Variants in DAB1 observed in about 807,000 individuals in gnomAD.
The protein encoded by DAB1 is DAB adaptor protein 1, also known as disabled homolog 1.
A neutral mutation model predicts 64.6 loss-of-function variants in DAB1; 15 were observed. That is an observed-to-expected ratio of 0.23 (90% CI 0.16 to 0.36). The LOEUF is 0.36. DAB1 is among the 10% of genes least tolerant of loss of function. DAB1 has a pLI of 1.00. For missense variants in DAB1, 596 were observed against 706.7 expected (o/e 0.84, Z 1.78); for synonymous variants, 235 against 251.9 (o/e 0.93, Z 0.64).
intron 6 of DAB1, among the ~76,000 whole-genome samples, chr1:57,732,027 A>G (rs1647451947): frequency 6.6e-6 from 1 of 152,144 alleles, no homozygotes. Context: ...TGGGTAGGGA[A>G]GGGCATTCTG....
chr1:57,328,545 A>C (rs1439448971), intron 1 of DAB1, among the ~76,000 whole-genome samples: 11 of 152,202 alleles, frequency 7.2e-5, no homozygotes, highest in Non-Finnish European at 1.3e-4. Context: ...ATACCTTATT[A>C]AATTGTGTGT....
chr1:57,306,388 A>G (rs1317477293), intron 1 of DAB1, among the ~76,000 whole-genome samples: 1 of 152,144 alleles, frequency 6.6e-6, no homozygotes. Flanking sequence ...AAAGCTCCAC[A>G]TATATATTAG....
At chr1:57,768,761 G>A (rs1271390737) in intron 6 of DAB1, among the ~76,000 whole-genome samples, 3 of 151,884 alleles carry the variant, frequency 2.0e-5, no homozygotes, top group Non-Finnish European at 2.9e-5. Context: ...CCCGCAGCAG[G>A]GTTCAGCACT....
intron 4 of DAB1, among the ~76,000 whole-genome samples, chr1:57,072,949 T>C (rs909498096): frequency 1.3e-5 from 2 of 152,168 alleles, no homozygotes; most frequent in African/African-American, 4.8e-5. Context: ...AAGTCACCAC[T>C]GGGGGTAGAG....
At chr1:58,082,342 C>T (rs1157113612) in intron 5 of DAB1, among the ~76,000 whole-genome samples, 1 of 151,586 alleles carries the variant, frequency 6.6e-6, no homozygotes, top group Non-Finnish European at 1.5e-5. Context: ...AGTCTTTAGT[C>T]TGCAAAGGCC....
chr1:57,400,203 G>A (rs1025172378), intron 1 of DAB1, among the ~76,000 whole-genome samples: 4 of 152,130 alleles, frequency 2.6e-5, no homozygotes, highest in Admixed American at 6.5e-5. Context: ...CAGAGTGTCT[G>A]CAAGTCCATG....
chr1:57,425,559 A>G (rs1685252381), upstream of DAB1, among the ~76,000 whole-genome samples: 2 of 152,350 alleles, frequency 1.3e-5, no homozygotes, highest in African/African-American at 2.4e-5. Flanking sequence ...AACTTATTCC[A>G]TAATAACAGC....
At chr1:57,374,529 C>T (rs1157923185) in intron 1 of DAB1, among the ~76,000 whole-genome samples, 1 of 152,090 alleles carries the variant, frequency 6.6e-6, no homozygotes, top group Admixed American at 6.5e-5. Context: ...TCCAATTATG[C>T]TCAATAAATT....
chr1:57,566,789 C>A (rs1332774287), intron 7 of DAB1, among the ~76,000 whole-genome samples: 1 of 152,078 alleles, frequency 6.6e-6, no homozygotes, highest in Admixed American at 6.5e-5. Context: ...AATTAATAGC[C>A]TACCAACCAA....
chr1:57,851,334 T>A (rs1653515309), intron 1 of DAB1, among the ~76,000 whole-genome samples: 1 of 152,226 alleles, frequency 6.6e-6, no homozygotes, highest in South Asian at 2.1e-4. Context: ...CAACACCTGT[T>A]CACTTTGACG....
chr1:57,363,475 T>C lies in DAB1; in HGVS notation c.-137+60455A>G. Among the ~76,000 whole-genome samples the C allele has an allele frequency of 1.3e-5, 2 of 151,832 alleles. 1 individual carries two copies. The highest frequency in any genetic ancestry group is 2.9e-5 in the Non-Finnish European group (2 of 67,934). On this transcript the variant is annotated intron_variant, in intron 1 of 14. Coordinates refer to ENST00000371236, the MANE Select transcript of DAB1 (RefSeq NM_001365792.1). ...CAAATCCCATTAAATGGGGAGCAGG[T>C]GGGCCAACTGTGCCTCAATTCCCTA...
intron 3 of DAB1, among the ~76,000 whole-genome samples, chr1:58,479,701 T>C (rs1645454036): frequency 6.6e-6 from 1 of 152,212 alleles, no homozygotes; most frequent in Non-Finnish European, 1.5e-5. Flanking sequence ...CAACTGAGAA[T>C]ACTTTGTTCC....
At chr1:58,373,157 G>T (rs1236921) in intron 3 of DAB1, among the ~76,000 whole-genome samples, 1 of 148,674 alleles carries the variant, frequency 6.7e-6, no homozygotes, top group Non-Finnish European at 1.5e-5. Flanking sequence ...AAAGCATCCA[G>T]CTTACTATTT....
intron 7 of DAB1, among the ~76,000 whole-genome samples, chr1:57,576,049 G>T (rs943878640): frequency 1.3e-5 from 2 of 152,120 alleles, no homozygotes; most frequent in African/African-American, 4.8e-5. Context: ...TTCAATTTAT[G>T]ATTTTTTTGA....
intron 3 of DAB1, among the ~76,000 whole-genome samples, chr1:58,375,631 T>C (rs543292836): frequency 4.2e-4 from 60 of 144,124 alleles, no homozygotes; most frequent in African/African-American, 1.5e-3. Flanking sequence ...AGGATATTGG[T>C]CTAAAATTCT....
chr1:58,337,285 GAAA>G (rs11322441), intron 4 of DAB1, among the ~76,000 whole-genome samples: 1 of 67,186 alleles, frequency 1.5e-5, no homozygotes, highest in African/African-American at 4.9e-5. Flanking sequence ...CTGTCTCAAA[GAAA>G]AAAAAAAAAA....
At chr1:58,383,872 C>T (rs916089621) in intron 3 of DAB1, among the ~76,000 whole-genome samples, 2 of 152,158 alleles carry the variant, frequency 1.3e-5, no homozygotes, top group African/African-American at 2.4e-5. Context: ...GAGATCCTGA[C>T]ATCAATTCAT....
At chr1:58,313,819 ATGTGTGTG>A (rs35817738) in intron 4 of DAB1, among the ~76,000 whole-genome samples, 4 of 119,976 alleles carry the variant, frequency 3.3e-5, no homozygotes, top group Non-Finnish European at 6.7e-5. Context: ...TTGTATCTTC[ATGTGTGTG>A]TGTGTGTGTG....
chr1:57,560,188 C>T (rs926483743), intron 7 of DAB1, among the ~76,000 whole-genome samples: 1 of 152,274 alleles, frequency 6.6e-6, no homozygotes, highest in Non-Finnish European at 1.5e-5. Flanking sequence ...CAATATACCT[C>T]TACTGTCCAA....
Sources: allele counts gnomAD v4.1 joint callset (sites outside exome capture counted in the v4.1 genomes callset), GRCh38; gene constraint gnomAD v4.1.1; transcripts MANE v1.5; gene names NCBI Gene and HGNC (gene_info 2026-07-23, HGNC 2026-07-21).